Variants in RSPRY1 observed in about 807,000 individuals in gnomAD.
RSPRY1 encodes ring finger and SPRY domain containing 1.
Under a neutral mutation model 73.1 loss-of-function variants are expected in RSPRY1, and 23 were observed. That is an observed-to-expected ratio of 0.31 (90% confidence interval 0.23 to 0.45). RSPRY1 has a LOEUF of 0.45. RSPRY1 is among the 20% of genes least tolerant of loss of function. RSPRY1 has a pLI of 1.00. For missense variants in RSPRY1, 448 were observed against 698.7 expected (o/e 0.64, Z 4.05); for synonymous variants, 226 against 251.4 (o/e 0.90, Z 0.95).
intron 3 of RSPRY1, among the ~76,000 whole-genome samples, chr16:57,208,430 C>T (rs1299546180): frequency 7.9e-6 from 1 of 126,972 alleles, no homozygotes; most frequent in Admixed American, 9.1e-5. Context: ...CAGAGTCTCA[C>T]TCTGTTGCCC....
At chr16:57,206,660 T>C (rs540908552) in intron 2 of RSPRY1, among the ~76,000 whole-genome samples, 18 of 152,154 alleles carry the variant, frequency 1.2e-4, no homozygotes, top group Non-Finnish European at 2.1e-4. Context: ...CCTCCTGGAC[T>C]CAAACCATCC....
chr16:57,219,776 C>G (rs940156634), intron 8 of RSPRY1: 3 of 152,024 alleles, frequency 2.0e-5, no homozygotes, highest in African/African-American at 7.2e-5. Flanking sequence ...ATTTTAGTAG[C>G]TTCATAGTTT....
intron 1 of RSPRY1, among the ~76,000 whole-genome samples, chr16:57,199,785 T>C (rs2074525945): frequency 6.6e-6 from 1 of 151,920 alleles, no homozygotes; most frequent in Non-Finnish European, 1.5e-5. Context: ...AACCTTGAAT[T>C]GTTTACCTCT....
chr16:57,214,379 TGGA>T (rs2074900961), intron 6 of RSPRY1, among the ~76,000 whole-genome samples: 1 of 152,230 alleles, frequency 6.6e-6, no homozygotes. Context: ...CTGTTGTCAC[TGGA>T]ATATTTAATA....
chr16:57,187,779 A>C lies in RSPRY1; in HGVS notation c.-156+1328A>C, dbSNP rs1274445395. Reference sequence around the variant, plus strand: ...GGTTCACAGCTTCTTAGGTCATATTAAGATCTAAACCCATGGTTTCAAACC... The same window carrying C: ...GGTTCACAGCTTCTTAGGTCATATTCAGATCTAAACCCATGGTTTCAAACC... On this transcript the variant is annotated intron_variant, in intron 1 of 14. Transcript: ENST00000394420. Among the ~76,000 whole-genome samples, 3 of 152,100 alleles carry C rather than the reference A, an allele frequency of 2.0e-5. No individual in the cohort carries two copies. In the South Asian group the frequency reaches 6.2e-4, roughly 31 times the overall value.
At position 57,204,855 on chromosome 16, in the gene RSPRY1, G is replaced by A; in HGVS notation, c.197G>A (p.Ser66Asn). The A allele has an allele frequency of 6.2e-7, 1 of 1,614,212 alleles. No individual in the cohort carries two copies. Among genetic ancestry groups the A allele is most frequent in the Non-Finnish European group, 8.5e-7 (1 of 1,180,048 alleles). Residue 66 changes from serine (S) to asparagine (N), a missense_variant, in exon 2 of 15, where the codon AGT (serine) becomes AAT (asparagine). By Grantham distance (46) the Ser-to-Asn change is conservative. Transcript: ENST00000394420. ...ACCCAACAGCAACAGGCCGAGAACA[G>A]TGCAGTACCCACTGCTGACACAAGG... The part of the protein sequence containing the change: ...VDTQQQQAEN[S>N]AVPTADTRSQ...
intron 6 of RSPRY1, among the ~76,000 whole-genome samples, chr16:57,214,849 C>T (rs1293177934): frequency 2.0e-5 from 3 of 152,066 alleles, no homozygotes; most frequent in Non-Finnish European, 2.9e-5. Flanking sequence ...GCCAACATGG[C>T]GAAACCTGGT....
At chr16:57,238,501 A>G (rs2075333861) in intron 14 of RSPRY1, among the ~76,000 whole-genome samples, 4 of 152,248 alleles carry the variant, frequency 2.6e-5, no homozygotes, top group Admixed American at 2.6e-4. Context: ...AAAATTTACC[A>G]TATGACAAAG....
At chr16:57,224,222 T>C (rs1477703114) in intron 10 of RSPRY1, among the ~76,000 whole-genome samples, 2 of 152,236 alleles carry the variant, frequency 1.3e-5, no homozygotes, top group Non-Finnish European at 2.9e-5. Flanking sequence ...AAATCCATCC[T>C]AACTATCCCT....
At chr16:57,228,014 A>C (rs1266716982) in intron 11 of RSPRY1, among the ~76,000 whole-genome samples, 1 of 152,180 alleles carries the variant, frequency 6.6e-6, no homozygotes, top group Non-Finnish European at 1.5e-5. Context: ...ATTTTTAGGC[A>C]TGCTAAGAAA....
intron 1 of RSPRY1, among the ~76,000 whole-genome samples, chr16:57,202,743 CT>C (rs2074643070): frequency 3.3e-5 from 5 of 152,074 alleles, no homozygotes; most frequent in Non-Finnish European, 5.9e-5. Flanking sequence ...CCATTGCTGT[CT>C]TAATAGTGAA....
chr16:57,236,308 G>A (rs1182726299), intron 14 of RSPRY1, among the ~76,000 whole-genome samples: 3 of 152,194 alleles, frequency 2.0e-5, no homozygotes, highest in African/African-American at 2.4e-5. Context: ...TCATTAATGA[G>A]TGCTGAAATA....
At chr16:57,234,898 T>G (rs2075278443) in intron 13 of RSPRY1, among the ~76,000 whole-genome samples, 1 of 152,218 alleles carries the variant, frequency 6.6e-6, no homozygotes, top group South Asian at 2.1e-4. Context: ...TACAAGTCAT[T>G]TCCTTGAACT....
intron 13 of RSPRY1, 55 bp from the exon 14 acceptor site, chr16:57,235,069 C>G: frequency 7.9e-7 from 1 of 1,266,048 alleles, no homozygotes; most frequent in Non-Finnish European, 1.2e-6. Flanking sequence ...ATATGCATCA[C>G]TGCTAACAGG....
intron 10 of RSPRY1, among the ~76,000 whole-genome samples, chr16:57,225,163 C>T (rs1335939611): frequency 6.6e-6 from 1 of 152,210 alleles, no homozygotes; most frequent in African/African-American, 2.4e-5. Flanking sequence ...CAGGTTCAGG[C>T]GATTCTTGTG....
chr16:57,238,516 T>C (rs2075334059), intron 14 of RSPRY1, among the ~76,000 whole-genome samples: 1 of 152,228 alleles, frequency 6.6e-6, no homozygotes, highest in Non-Finnish European at 1.5e-5. Context: ...ACAAAGGCAT[T>C]GTGTCAAAAC....
intron 1 of RSPRY1, among the ~76,000 whole-genome samples, chr16:57,201,694 C>T (rs1253811368): frequency 6.6e-6 from 1 of 152,238 alleles, no homozygotes; most frequent in Non-Finnish European, 1.5e-5. Flanking sequence ...AACGCGACTC[C>T]GTCTGCCATC....
At chr16:57,216,811 A>G in intron 7 of RSPRY1, 93 bp from the exon 8 acceptor site, 1 of 1,199,592 alleles carries the variant, frequency 8.3e-7, no homozygotes, top group Non-Finnish European at 1.2e-6. Flanking sequence ...CAATTCTTTA[A>G]TTGCCTCTTC....
rs191047491 is a variant in RSPRY1, at chr16:57,189,788, G to A, written c.-156+3337G>A. On this transcript the variant is annotated intron_variant, in intron 1 of 14. Transcript: ENST00000394420. Reference sequence around the variant, plus strand: ...TGCACTTTTTTTAAGACAGGGTTACGCCATGTTGCCCAGGCTGGTCTCAAA... The same window carrying A: ...TGCACTTTTTTTAAGACAGGGTTACACCATGTTGCCCAGGCTGGTCTCAAA... 2.3e-3 allele frequency among the ~76,000 whole-genome samples: 349 copies of A among 151,210 alleles called. 3 individuals are homozygous for A. The highest frequency in any genetic ancestry group is 8.6e-4 in the Non-Finnish European group (58 of 67,718).
Sources: gnomAD v4.1 joint callset for allele counts (sites outside exome capture counted in the v4.1 genomes callset) on GRCh38, gnomAD v4.1.1 for gene constraint, MANE v1.5 for transcripts, NCBI Gene and HGNC (gene_info 2026-07-23, HGNC 2026-07-21) for gene names.